RBFOX1: variants seen among roughly 807,000 people sequenced by gnomAD.
RBFOX1 encodes RNA binding fox-1 homolog 1.
RBFOX1 carries 8 observed loss-of-function variants against 57.7 expected under a neutral mutation model. The observed-to-expected ratio is 0.14, with a 90% CI of 0.08 to 0.25. The LOEUF (loss-of-function observed/expected upper bound fraction) is 0.25. RBFOX1 is among the 10% of genes least tolerant of loss of function. RBFOX1 has a pLI of 1.00. For synonymous variants in RBFOX1, 326 were observed against 222.4 expected (o/e 1.47, Z -4.15); for missense variants, 611 against 548.5 (o/e 1.11, Z -1.14).
At chr16:7,066,251 G>T (rs180782138) in intron 4 of RBFOX1, among the ~76,000 whole-genome samples, 1 of 152,292 alleles carries the variant, frequency 6.6e-6, no homozygotes, top group African/African-American at 2.4e-5. Flanking sequence ...TTGAACCCAG[G>T]TCTATATTCA....
chr16:7,034,734 T>G (rs546603003), intron 3 of RBFOX1, among the ~76,000 whole-genome samples: 3 of 151,724 alleles, frequency 2.0e-5, no homozygotes, highest in East Asian at 1.9e-4. Flanking sequence ...CCCTGTAGAT[T>G]TATTGTGAAT....
intron 1 of RBFOX1, among the ~76,000 whole-genome samples, chr16:6,272,220 T>C (rs1009450080): frequency 6.6e-6 from 1 of 152,140 alleles, no homozygotes; most frequent in Non-Finnish European, 1.5e-5. Context: ...TCAATCTATG[T>C]AGAAACATAC....
intron 3 of RBFOX1, among the ~76,000 whole-genome samples, chr16:6,845,302 TAG>T (rs796574968): frequency 3.0e-4 from 45 of 152,330 alleles, no homozygotes; most frequent in African/African-American, 1.0e-3. Flanking sequence ...CTAGTGTTTT[TAG>T]AGTTTTGGGT....
intron 3 of RBFOX1, among the ~76,000 whole-genome samples, chr16:5,856,212 T>G (rs1246478097): frequency 1.0e-4 from 4 of 39,598 alleles, no homozygotes; most frequent in Non-Finnish European, 1.7e-4. Flanking sequence ...TATATACATA[T>G]ATATGTATAT....
intron 4 of RBFOX1, among the ~76,000 whole-genome samples, chr16:7,424,086 G>A (rs944045646): frequency 6.6e-6 from 1 of 152,076 alleles, no homozygotes; most frequent in Non-Finnish European, 1.5e-5. Flanking sequence ...GGTTTATTCT[G>A]AGTCTCTTTT....
chr16:6,473,558 A>AG (rs2095225375), intron 2 of RBFOX1, among the ~76,000 whole-genome samples: 1 of 152,062 alleles, frequency 6.6e-6, no homozygotes, highest in Non-Finnish European at 1.5e-5. Context: ...GTTGACAAAA[A>AG]ACATAGCTTC....
intron 3 of RBFOX1, among the ~76,000 whole-genome samples, chr16:6,985,832 T>TAAAAAAAAAAAAAAAAAA (rs565941451): frequency 3.0e-5 from 3 of 99,836 alleles, no homozygotes; most frequent in African/African-American, 1.4e-4. Flanking sequence ...TGAGTTCATG[T>TAAAAAAAAAAAAAAAAAA]AAAAAAAAAA....
At chr16:7,167,975 C>G (rs887328281) in intron 4 of RBFOX1, among the ~76,000 whole-genome samples, 1 of 152,138 alleles carries the variant, frequency 6.6e-6, no homozygotes, top group Non-Finnish European at 1.5e-5. Context: ...TTTAACAGCG[C>G]AGAACCACAC....
At chr16:6,042,408 C>T (rs983814437) in intron 1 of RBFOX1, among the ~76,000 whole-genome samples, 1 of 152,064 alleles carries the variant, frequency 6.6e-6, no homozygotes, top group Non-Finnish European at 1.5e-5. Flanking sequence ...CCTTTCTCTT[C>T]CATTTCTAAG....
chr16:6,954,402 G>A (rs73545337), intron 3 of RBFOX1, among the ~76,000 whole-genome samples: 32,562 of 151,836 alleles, frequency 0.21, 3,627 homozygotes, highest in South Asian at 0.26. Context: ...TGTGTCCCTC[G>A]TTTGCATTTA....
chr16:7,045,171 G>A (rs569201798), intron 3 of RBFOX1, among the ~76,000 whole-genome samples: 1 of 152,120 alleles, frequency 6.6e-6, no homozygotes, highest in African/African-American at 2.4e-5. Context: ...GACTCAAATT[G>A]GCCAGGGACT....
chr16:7,272,517 C>G (rs1256704035), intron 4 of RBFOX1, among the ~76,000 whole-genome samples: 3 of 152,200 alleles, frequency 2.0e-5, no homozygotes, highest in African/African-American at 7.2e-5. Context: ...TATGTTGCTT[C>G]TTATTCTGCA....
chr16:6,347,467 T>C (rs547682442), intron 2 of RBFOX1, among the ~76,000 whole-genome samples: 5 of 152,324 alleles, frequency 3.3e-5, no homozygotes, highest in African/African-American at 1.2e-4. Context: ...TAATTACAAA[T>C]GCAATAGTTG....
intron 3 of RBFOX1, among the ~76,000 whole-genome samples, chr16:5,666,638 T>A (rs12599223): frequency 0.06 from 9,085 of 152,264 alleles, 662 homozygotes; most frequent in East Asian, 0.19. Context: ...CTAATAGGAC[T>A]GGCAGTGAGC....
chr16:7,600,838 G>C (rs770389532), intron 9 of RBFOX1, among the ~76,000 whole-genome samples: 1 of 152,180 alleles, frequency 6.6e-6, no homozygotes, highest in South Asian at 2.1e-4. Context: ...GGAGGGTGTA[G>C]ATACTATTCT....
chr16:6,662,974 G>A (rs1015358083), intron 3 of RBFOX1, among the ~76,000 whole-genome samples: 4 of 152,182 alleles, frequency 2.6e-5, no homozygotes, highest in African/African-American at 7.2e-5. Context: ...GCACATAACT[G>A]AAGTGTAGGA....
At chr16:7,387,712 A>G (rs2097908513) in intron 4 of RBFOX1, among the ~76,000 whole-genome samples, 1 of 152,150 alleles carries the variant, frequency 6.6e-6, no homozygotes, top group Non-Finnish European at 1.5e-5. Context: ...GCTGTGGGCC[A>G]TCATGGTACA....
chr16:6,335,773 C>T (rs1430475884), intron 2 of RBFOX1, among the ~76,000 whole-genome samples: 24 of 110,852 alleles, frequency 2.2e-4, no homozygotes, highest in African/African-American at 1.1e-3. Flanking sequence ...GCAAGACTGT[C>T]TCCAAAAAAA....
chr16:7,263,900 C>T (rs1815895150), intron 4 of RBFOX1, among the ~76,000 whole-genome samples: 1 of 125,330 alleles, frequency 8.0e-6, no homozygotes, highest in South Asian at 2.7e-4. Context: ...AACTCAGTCT[C>T]AAAATATATA....
Sources: allele counts gnomAD v4.1 joint callset (sites outside exome capture counted in the v4.1 genomes callset), GRCh38; gene constraint gnomAD v4.1.1; transcripts MANE v1.5; gene names NCBI Gene and HGNC (gene_info 2026-07-23, HGNC 2026-07-21).